The following RSRC1 variants were observed in gnomAD, a reference collection of about 807,000 sequenced individuals.
RSRC1 encodes the protein serine/Arginine-related protein 53.
In RSRC1, 39 loss-of-function variants were observed where a neutral mutation model predicts 49.1. The ratio of observed to expected loss-of-function variants is 0.79; its 90% CI spans 0.61 to 1.04. The LOEUF is 1.04. Ranked by LOEUF, RSRC1 falls within the 50% of genes least tolerant of loss-of-function variation. The pLI, the probability that RSRC1 is intolerant of heterozygous loss-of-function variation, is 0.00. For synonymous variants in RSRC1, 143 were observed against 130.8 expected, an observed-to-expected ratio of 1.09 and a Z score of -0.63; for missense variants, 388 against 402.4, an observed-to-expected ratio of 0.96 and a Z score of 0.31.
chr3:158,530,290 A>G (rs899544216), intron 7 of RSRC1, among the ~76,000 whole-genome samples: 1 of 151,766 alleles, frequency 6.6e-6, no homozygotes, highest in Non-Finnish European at 1.5e-5. Context: ...ATGCTTCCCT[A>G]TCGCTGTGTG....
At chr3:158,437,584 C>G (rs997457632) in intron 6 of RSRC1, among the ~76,000 whole-genome samples, 1 of 152,120 alleles carries the variant, frequency 6.6e-6, no homozygotes, top group Non-Finnish European at 1.5e-5. Flanking sequence ...CTCCATAGTG[C>G]AGAAAAGGCC....
chr3:158,500,777 T>G (rs958447450), intron 7 of RSRC1, among the ~76,000 whole-genome samples: 2 of 152,114 alleles, frequency 1.3e-5, no homozygotes, highest in Admixed American at 6.5e-5. Flanking sequence ...TCTTGTTAAT[T>G]ATCTATCAAT....
chr3:158,509,782 T>G (rs1006085990), intron 7 of RSRC1, among the ~76,000 whole-genome samples: 2 of 152,214 alleles, frequency 1.3e-5, no homozygotes, highest in Non-Finnish European at 2.9e-5. Context: ...TTTATTCATT[T>G]TCACTGTTGT....
At chr3:158,497,692 C>T in intron 7 of RSRC1, among the ~76,000 whole-genome samples, 1 of 152,160 alleles carries the variant, frequency 6.6e-6, no homozygotes, top group East Asian at 1.9e-4. Flanking sequence ...GCCTCAGCCT[C>T]CCAAAGTGCT....
At chr3:158,291,684 C>A (rs972181034) in intron 4 of RSRC1, among the ~76,000 whole-genome samples, 2 of 152,138 alleles carry the variant, frequency 1.3e-5, no homozygotes, top group Non-Finnish European at 2.9e-5. Context: ...AAATTGCCAT[C>A]ATCAGAAAGA....
chr3:158,466,394 T>G (rs1737892340), intron 7 of RSRC1, among the ~76,000 whole-genome samples: 1 of 152,190 alleles, frequency 6.6e-6, no homozygotes, highest in Admixed American at 6.5e-5. Context: ...TCCTTACTGA[T>G]TTAAATATAT....
intron 6 of RSRC1, among the ~76,000 whole-genome samples, chr3:158,365,138 C>A (rs79150935): frequency 0.016 from 2,464 of 152,038 alleles, 64 homozygotes; most frequent in African/African-American, 0.056. Context: ...AAGAATAGTG[C>A]TTTTATTTAT....
chr3:158,160,687 CT>C (rs1718163973), intron 3 of RSRC1, among the ~76,000 whole-genome samples: 1 of 152,038 alleles, frequency 6.6e-6, no homozygotes, highest in Non-Finnish European at 1.5e-5. Flanking sequence ...AGTGGGATTA[CT>C]TATTTGCATG....
At chr3:158,260,264 A>G (rs1214934977) in intron 4 of RSRC1, among the ~76,000 whole-genome samples, 1 of 152,132 alleles carries the variant, frequency 6.6e-6, no homozygotes, top group Admixed American at 6.5e-5. Context: ...AAGGCTCTTT[A>G]GTTAACAGTT....
At chr3:158,121,109 A>G (rs1336215460) in intron 1 of RSRC1, among the ~76,000 whole-genome samples, 3 of 151,962 alleles carry the variant, frequency 2.0e-5, no homozygotes, top group Non-Finnish European at 4.4e-5. Context: ...ACTAATTTTC[A>G]TATGTACATA....
At chr3:158,353,087 A>C (rs749295479) in intron 5 of RSRC1, among the ~76,000 whole-genome samples, 60 of 152,142 alleles carry the variant, frequency 3.9e-4, no homozygotes, top group African/African-American at 1.4e-3. Flanking sequence ...CTAATAACCA[A>C]TCAGTCCTTT....
Position 158,296,751 on chromosome 3 carries a change from T to C in RSRC1, c.495-1288T>C, listed in dbSNP as rs1727262316. Among the ~76,000 whole-genome samples the C allele has an allele frequency of 2.0e-5, 3 of 151,996 alleles. No homozygotes were observed. The South Asian group carries it at 6.2e-4, about 32-fold the overall frequency. ...AATGAGTTTCAGAAACCATTAAATATCTAAACATTGAATATATAGTTTTGC... is the reference window on the plus strand; with the variant it reads ...AATGAGTTTCAGAAACCATTAAATACCTAAACATTGAATATATAGTTTTGC... On this transcript the variant is annotated intron_variant, in intron 4 of 9. Transcript: ENST00000611884.
At chr3:158,475,226 A>G (rs942348667) in intron 7 of RSRC1, among the ~76,000 whole-genome samples, 4 of 151,976 alleles carry the variant, frequency 2.6e-5, no homozygotes, top group Non-Finnish European at 5.9e-5. Flanking sequence ...GCCCAGTACA[A>G]TTGTTAATCA....
At chr3:158,269,727 G>T (rs1168411681) in intron 4 of RSRC1, among the ~76,000 whole-genome samples, 1 of 152,066 alleles carries the variant, frequency 6.6e-6, no homozygotes, top group African/African-American at 2.4e-5. Flanking sequence ...TGGCCAGGAT[G>T]GTCTTGATCT....
rs1342342554 is a variant in RSRC1 at position 158,511,778 on chromosome 3, G to A, written c.653-25314G>A. ...TTCCTATTTCTCCACATCCTCTCCA[G>A]CACCTGTTGTTTCCTAACTTTTTAA... On this transcript the variant is annotated intron_variant, in intron 7 of 9. Transcript: ENST00000611884. 1.4e-4 allele frequency among the ~76,000 whole-genome samples: 22 copies of A among 152,038 alleles called. 2 individuals carry two copies. In the South Asian group the frequency reaches 3.7e-3, roughly 26 times the overall value.
At chr3:158,363,089 T>G (rs1241966591) in intron 6 of RSRC1, among the ~76,000 whole-genome samples, 1 of 152,134 alleles carries the variant, frequency 6.6e-6, no homozygotes, top group East Asian at 1.9e-4. Flanking sequence ...ACCTTATAGT[T>G]TTCAAAGCAC....
chr3:158,267,973 T>C (rs1348142531), intron 4 of RSRC1, among the ~76,000 whole-genome samples: 2 of 151,210 alleles, frequency 1.3e-5, no homozygotes, highest in Non-Finnish European at 2.9e-5. Flanking sequence ...CCTGAAACTA[T>C]AAAGATCCTC....
chr3:158,475,798 A>C (rs1433602765), intron 7 of RSRC1, among the ~76,000 whole-genome samples: 1 of 152,106 alleles, frequency 6.6e-6, no homozygotes, highest in Admixed American at 6.6e-5. Flanking sequence ...AATTAGGCCA[A>C]TTAATAACCT....
At chr3:158,276,285 T>C in intron 4 of RSRC1, 1 of 763,174 alleles carries the variant, frequency 1.3e-6, no homozygotes, top group East Asian at 2.4e-5. Flanking sequence ...GCACAATTTA[T>C]CAGGCCAGAT....
Sources: allele counts gnomAD v4.1 joint callset (sites outside exome capture counted in the v4.1 genomes callset), GRCh38; gene constraint gnomAD v4.1.1; transcripts MANE v1.5; gene names NCBI Gene and HGNC (gene_info 2026-07-23, HGNC 2026-07-21).